CACNA1B: variants seen among roughly 807,000 people sequenced by gnomAD.
The protein encoded by CACNA1B is calcium voltage-gated channel subunit alpha1 B.
Under a neutral mutation model 247.2 loss-of-function variants are expected in CACNA1B, and 70 were observed. That is an observed-to-expected ratio of 0.28 (90% CI 0.23 to 0.35). The LOEUF (loss-of-function observed/expected upper bound fraction) is 0.35, where lower values mean the gene tolerates loss of function less well. CACNA1B is among the 10% of genes least tolerant of loss of function. The pLI, the probability that CACNA1B is intolerant of heterozygous loss-of-function variation, is 1.00. For synonymous variants in CACNA1B, 1,231 were observed against 1,294.4 expected (o/e 0.95, Z 1.05); for missense variants, 2,367 against 3,197.4 (o/e 0.74, Z 6.26).
At chr9:137,988,280 C>T (rs907213101) in intron 15 of CACNA1B, among the ~76,000 whole-genome samples, 87 of 152,256 alleles carry the variant, frequency 5.7e-4, no homozygotes, top group African/African-American at 1.8e-3. Context: ...GCAGCAAAAA[C>T]GTGAGGAGTG....
intron 3 of CACNA1B, among the ~76,000 whole-genome samples, chr9:137,885,313 C>A (rs867692193): frequency 1.3e-5 from 2 of 152,090 alleles, no homozygotes; most frequent in African/African-American, 2.4e-5. Context: ...ACACGTGAAC[C>A]CCTGTGTGCG....
intron 32 of CACNA1B, among the ~76,000 whole-genome samples, chr9:138,071,595 G>A (rs1277356082): frequency 6.6e-6 from 1 of 152,300 alleles, no homozygotes. Flanking sequence ...CAGGAGCCCC[G>A]AGAGAAGCCA....
In CACNA1B at chr9:137,917,276, G is replaced by A; in HGVS notation, c.811G>A (p.Glu271Lys). The A allele has an allele frequency of 1.2e-6, 2 of 1,613,826 alleles. No homozygotes were observed. Among genetic ancestry groups the A allele is most frequent in the Non-Finnish European group, 1.7e-6 (2 of 1,179,812 alleles). The change falls in exon 6 of 47, where the codon GAG becomes AAG. Residue 271 changes from glutamate to lysine, a missense_variant. Coordinates refer to ENST00000371372, the MANE Select transcript of CACNA1B (RefSeq NM_000718.4). This position sits in a 1 kb window ranked among gnomAD's most constrained non-coding sequence, Gnocchi z 5.5. Reference sequence around the variant, plus strand: ...CGTGGGTGACTTCCCCTGTGGCAAGGAGGCCCCAGCCCGGCTGTGCGAGGG... The same window carrying A: ...CGTGGGTGACTTCCCCTGTGGCAAGAAGGCCCCAGCCCGGCTGTGCGAGGG... ...EPVGDFPCGK[E>K]APARLCEGDT...
At chr9:137,949,193 T>C (rs1323440372) in intron 6 of CACNA1B, among the ~76,000 whole-genome samples, 20 of 7,752 alleles carry the variant, frequency 2.6e-3, no homozygotes, top group African/African-American at 3.8e-3. Flanking sequence ...GTGTGTATGG[T>C]GTATGTGTGT....
chr9:137,906,556 C>T (rs145760163), intron 3 of CACNA1B, among the ~76,000 whole-genome samples: 302 of 152,042 alleles, frequency 2.0e-3, no homozygotes, highest in African/African-American at 6.5e-3. Context: ...TCTGCATCCC[C>T]GTGTGATGCC....
chr9:137,947,975 CT>C (rs71387878), intron 6 of CACNA1B, among the ~76,000 whole-genome samples: 174 of 79,446 alleles, frequency 2.2e-3, no homozygotes, highest in Middle Eastern at 0.012. Context: ...TTCAGCATTC[CT>C]TTTTTTTTTT....
intron 12 of CACNA1B, among the ~76,000 whole-genome samples, chr9:137,976,503 A>G (rs983522048): frequency 6.6e-6 from 1 of 152,180 alleles, no homozygotes; most frequent in Admixed American, 6.5e-5. Flanking sequence ...CTCTTTACCA[A>G]CTTATGTAGG....
At chr9:138,118,369 G>T (rs534190817) in intron 43 of CACNA1B, among the ~76,000 whole-genome samples, 3 of 110,606 alleles carry the variant, frequency 2.7e-5, no homozygotes, top group Non-Finnish European at 3.8e-5. Flanking sequence ...GTGTGAGACT[G>T]GGGTGGGGAA....
At chr9:138,114,676 T>C (rs1410061977) in intron 41 of CACNA1B, among the ~76,000 whole-genome samples, 186 bp downstream of exon 41, 1 of 152,170 alleles carries the variant, frequency 6.6e-6, no homozygotes. Flanking sequence ...GCCTTTATGC[T>C]TTCCATGAGC....
chr9:138,117,626 C>T (rs1260862698), intron 42 of CACNA1B, among the ~76,000 whole-genome samples: 1 of 152,208 alleles, frequency 6.6e-6, no homozygotes, highest in Non-Finnish European at 1.5e-5. Flanking sequence ...GGTGACGGAC[C>T]CAGGCCCCCC....
At position 138,012,447 on chromosome 9, in the gene CACNA1B, T is replaced by A. The variant is rs1020035773; in HGVS notation, c.2161-682T>A. On this transcript the variant is annotated intron_variant, in intron 17 of 46. Transcript: ENST00000371372. This position sits in a 1 kb window ranked among gnomAD's most constrained non-coding sequence, Gnocchi z 4.2. ...AGTGGGCAAGTTTGAGGTGCCATGG[T>A]ACAGACAAGCTGAAGGCCAGGCATG... 5.3e-5 allele frequency among the ~76,000 whole-genome samples: 8 copies of A among 151,824 alleles called. No individual in the cohort carries two copies. The highest frequency in any genetic ancestry group is 1.9e-4 in the African/African-American group (8 of 41,318).
In CACNA1B at chr9:138,121,928, A is replaced by G; in HGVS notation, c.6949A>G (p.Thr2317Ala). The G allele has an allele frequency of 6.2e-7, 1 of 1,609,590 alleles. No homozygotes were observed. Among genetic ancestry groups the G allele is most frequent in the South Asian group, 1.1e-5 (1 of 91,084 alleles). Residue 2317 changes from threonine to alanine, a missense_variant, in exon 47 of 47, where the codon ACC (threonine) becomes GCC (alanine). Transcript: ENST00000371372. The surrounding 1 kb of genome is among the most constrained non-coding windows in gnomAD (Gnocchi z 6.8). ...LRRVPNGYHC[T>A]LGLSSGGRAR... The stretch of plus-strand genomic sequence containing the variant: ...CCGCGTGCCCAACGGTTACCACTGC[A>G]CCCTGGGACTCAGCTCGGGTGGCCG...
chr9:137,959,219 T>G (rs1306950740), intron 10 of CACNA1B, among the ~76,000 whole-genome samples: 2 of 152,118 alleles, frequency 1.3e-5, no homozygotes, highest in Non-Finnish European at 2.9e-5. Flanking sequence ...ATTATAGGCA[T>G]GCACCAACTG....
At chr9:138,046,765 T>A (rs1006004775) in intron 21 of CACNA1B, 139 bp from the exon 22 acceptor site, 10 of 764,700 alleles carry the variant, frequency 1.3e-5, no homozygotes, top group African/African-American at 8.8e-5. Flanking sequence ...CAGGGACCAT[T>A]AGCAAAGCGA....
At chr9:138,084,222 A>G (rs1960620807) in intron 36 of CACNA1B, among the ~76,000 whole-genome samples, 1 of 151,134 alleles carries the variant, frequency 6.6e-6, no homozygotes, top group Admixed American at 6.6e-5. Context: ...CAATAAGTTC[A>G]TGAGATTCTA....
intron 1 of CACNA1B, among the ~76,000 whole-genome samples, chr9:137,878,730 T>TG (rs1956872352): frequency 6.6e-6 from 1 of 152,002 alleles, no homozygotes; most frequent in African/African-American, 2.4e-5. Flanking sequence ...CAGCCTCGCC[T>TG]GGGGGCGCTC....
chr9:138,006,082 A>G (rs1958645669), intron 15 of CACNA1B, among the ~76,000 whole-genome samples: 1 of 151,962 alleles, frequency 6.6e-6, no homozygotes, highest in Admixed American at 6.6e-5. Flanking sequence ...AACCCCCACA[A>G]ATAAATAGAA....
intron 31 of CACNA1B, among the ~76,000 whole-genome samples, chr9:138,064,781 C>A (rs2133518667): frequency 6.6e-6 from 1 of 152,338 alleles, no homozygotes; most frequent in Non-Finnish European, 1.5e-5. Context: ...GGAGCCTCTG[C>A]AGCTCCAGAG....
chr9:137,993,687 G>T (rs1046229044), intron 15 of CACNA1B, among the ~76,000 whole-genome samples: 1 of 152,228 alleles, frequency 6.6e-6, no homozygotes, highest in Middle Eastern at 3.4e-3. Context: ...AACGAGTAGC[G>T]AGATTGAAAT....
Sources: allele counts gnomAD v4.1 joint callset (sites outside exome capture counted in the v4.1 genomes callset), GRCh38; gene constraint gnomAD v4.1.1; non-coding constraint Gnocchi (gnomAD v3.1); transcripts MANE v1.5; gene names NCBI Gene and HGNC (gene_info 2026-07-23, HGNC 2026-07-21).